GRAMD4: variants seen among roughly 807,000 people sequenced by gnomAD.
The protein encoded by GRAMD4 is GRAM domain-containing protein 4.
A neutral mutation model predicts 83.9 loss-of-function variants in GRAMD4; 25 were observed. The observed-to-expected ratio is 0.30, with a 90% CI of 0.22 to 0.42. The LOEUF (loss-of-function observed/expected upper bound fraction) is 0.42. Ranked by LOEUF, GRAMD4 falls within the 10% of genes least tolerant of loss-of-function variation. GRAMD4 has a pLI of 1.00. For missense variants in GRAMD4, 593 were observed against 788.7 expected (o/e 0.75, Z 2.97); for synonymous variants, 336 against 320.9 (o/e 1.05, Z -0.50).
intron 1 of GRAMD4, among the ~76,000 whole-genome samples, chr22:46,612,390 T>G (rs2081426676): frequency 6.6e-6 from 1 of 152,202 alleles, no homozygotes; most frequent in Non-Finnish European, 1.5e-5. Context: ...GATGATGTCC[T>G]TGGCCTGTTG....
At chr22:46,615,615 CGTGTAGGTTCCCCCGT>C (rs1401075700), upstream of GRAMD4, among the ~76,000 whole-genome samples, 1 of 74,610 alleles carries the variant, frequency 1.3e-5, no homozygotes. Context: ...GTTCCCCGTG[CGTGTAGGTTCCCCCGT>C]GTGTAGGTTC....
At chr22:46,576,887 G>A (rs2081046596), upstream of GRAMD4, among the ~76,000 whole-genome samples, 3 of 146,572 alleles carry the variant, frequency 2.0e-5, 1 homozygote, top group South Asian at 6.2e-4. Flanking sequence ...GCGAGCGGCG[G>A]GGGCGCACGT....
chr22:46,612,078 A>G (rs2081423222), intron 1 of GRAMD4, among the ~76,000 whole-genome samples: 1 of 148,354 alleles, frequency 6.7e-6, no homozygotes, highest in Non-Finnish European at 1.5e-5. Context: ...ATCATAGCTC[A>G]CTGCAGCCTT....
intron 3 of GRAMD4, among the ~76,000 whole-genome samples, chr22:46,640,324 G>A (rs527624589): frequency 3.9e-5 from 6 of 152,318 alleles, no homozygotes; most frequent in African/African-American, 9.6e-5. Context: ...CTGGGGCCCG[G>A]GAAGCTTCAG....
At chr22:46,599,171 G>C (rs2081288965) in intron 1 of GRAMD4, among the ~76,000 whole-genome samples, 1 of 151,998 alleles carries the variant, frequency 6.6e-6, no homozygotes, top group South Asian at 2.1e-4. Context: ...GGACCACTGG[G>C]GGTCAGATAT....
At chr22:46,579,662 C>CGGAG (rs1391129225) in intron 1 of GRAMD4, among the ~76,000 whole-genome samples, 1 of 152,170 alleles carries the variant, frequency 6.6e-6, no homozygotes, top group Non-Finnish European at 1.5e-5. Context: ...GTGCCCCCTC[C>CGGAG]CCTCCCTGGG....
rs3081630 is a variant in GRAMD4 at position 46,639,153 on chromosome 22, AGTGT to A, written c.283+1218_283+1221del. On this transcript the variant is annotated intron_variant, in intron 3 of 18. Coordinates refer to ENST00000406902, the MANE Select transcript of GRAMD4 (RefSeq NM_015124.5). Reference sequence around the variant, plus strand: ...GGCTATGGTTAACGGTGTGTGCGTGAGTGTGTGTGTGTGTGTGTGTGTGTGTGTA... The same window carrying A: ...GGCTATGGTTAACGGTGTGTGCGTGAGTGTGTGTGTGTGTGTGTGTGTGTA... Among the ~76,000 whole-genome samples the A allele has an allele frequency of 6.1e-3, 916 of 149,488 alleles. 5 individuals are homozygous for A. The highest frequency in any genetic ancestry group is 0.032 in the East Asian group (160 of 5,026).
rs952540135 is a variant in GRAMD4 at position 46,677,560 on chromosome 22, C to G, written c.*309C>G. The G allele has an allele frequency of 1.1e-5, 13 of 1,136,340 alleles. No homozygotes were observed. In the Admixed American group the frequency reaches 4.2e-4, roughly 37 times the overall value. 70.4% of individuals were successfully genotyped at this position (1,136,340 alleles called of 1,614,324 possible). ...AAGACACACAGGACCCCTGGCCCTG[C>G]CCTTCTCCGTTCCAGCCTGGACAGA... On this transcript the variant is annotated 3_prime_UTR_variant, in exon 19 of 19. Coordinates refer to ENST00000406902, the MANE Select transcript of GRAMD4 (RefSeq NM_015124.5).
At chr22:46,611,862 T>TG (rs1408487030) in intron 1 of GRAMD4, among the ~76,000 whole-genome samples, 4 of 148,026 alleles carry the variant, frequency 2.7e-5, no homozygotes, top group Admixed American at 6.7e-5. Context: ...CCGGGCATGG[T>TG]GGGGGGCACC....
intron 2 of GRAMD4, 80 bp downstream of exon 2, chr22:46,627,041 G>A: frequency 2.1e-6 from 2 of 956,940 alleles, no homozygotes; most frequent in East Asian, 4.8e-5. Context: ...GTGGACTCAG[G>A]CAGATTCGTG....
intron 10 of GRAMD4, 135 bp downstream of exon 10, chr22:46,667,008 A>C: frequency 1.7e-6 from 1 of 584,096 alleles, no homozygotes; most frequent in East Asian, 3.5e-5. Flanking sequence ...CCTGGCCTGA[A>C]GAGGAGGGGA....
intron 1 of GRAMD4, among the ~76,000 whole-genome samples, chr22:46,594,557 T>G: frequency 8.6e-6 from 1 of 115,898 alleles, no homozygotes; most frequent in Non-Finnish European, 1.8e-5. Context: ...GCATTGCTTG[T>G]GTGGGTGGTG....
chr22:46,588,101 C>CG (rs2081169294), intron 1 of GRAMD4, among the ~76,000 whole-genome samples: 2 of 151,818 alleles, frequency 1.3e-5, no homozygotes, highest in Non-Finnish European at 1.5e-5. Flanking sequence ...GAGCCGCCTT[C>CG]GGGGGCTCTG....
chr22:46,601,870 C>T (rs1420802083), intron 1 of GRAMD4, among the ~76,000 whole-genome samples: 1 of 152,184 alleles, frequency 6.6e-6, no homozygotes, highest in Non-Finnish European at 1.5e-5. Context: ...TCCGAACTCA[C>T]CATGGATCAA....
intron 5 of GRAMD4, among the ~76,000 whole-genome samples, chr22:46,661,916 G>A (rs554692805): frequency 6.6e-6 from 1 of 152,310 alleles, no homozygotes; most frequent in African/African-American, 2.4e-5. Flanking sequence ...CTGAGTGCCT[G>A]TTCTTTATCT....
intron 2 of GRAMD4, among the ~76,000 whole-genome samples, 154 bp downstream of exon 2, chr22:46,627,115 T>C (rs1448058203): frequency 1.3e-5 from 2 of 152,178 alleles, no homozygotes; most frequent in African/African-American, 4.8e-5. Flanking sequence ...TCCCGACCCC[T>C]GCAGACCTTG....
At chr22:46,597,699 C>A (rs2147035417) in intron 1 of GRAMD4, among the ~76,000 whole-genome samples, 1 of 152,198 alleles carries the variant, frequency 6.6e-6, no homozygotes, top group South Asian at 2.1e-4. Flanking sequence ...CCGTGTTAGC[C>A]AGGATGGTCT....
chr22:46,670,271 G>A (rs1211509711), intron 13 of GRAMD4, among the ~76,000 whole-genome samples: 1 of 152,266 alleles, frequency 6.6e-6, no homozygotes, highest in Non-Finnish European at 1.5e-5. Context: ...ACTGCTGGTG[G>A]GAGGACAGGC....
intron 3 of GRAMD4, among the ~76,000 whole-genome samples, chr22:46,644,185 C>T (rs888224372): frequency 6.6e-6 from 1 of 152,260 alleles, no homozygotes; most frequent in Admixed American, 6.5e-5. Flanking sequence ...TACACTTGCC[C>T]CTGTTCTATG....
Sources: gnomAD v4.1 joint callset for allele counts (sites outside exome capture counted in the v4.1 genomes callset) on GRCh38, gnomAD v4.1.1 for gene constraint, MANE v1.5 for transcripts, NCBI Gene and HGNC (gene_info 2026-07-23, HGNC 2026-07-21) for gene names.